Variants in NIT1 observed in about 807,000 individuals in gnomAD.
NIT1 encodes deaminated glutathione amidase.
A neutral mutation model predicts 36.8 loss-of-function variants in NIT1; 30 were observed. The observed-to-expected ratio is 0.82, with a 90% CI of 0.61 to 1.11. The LOEUF is 1.11. Ranked by LOEUF, NIT1 falls within the 50% of genes least tolerant of loss-of-function variation. The probability of loss-of-function intolerance (pLI) is 0.00; values close to 1 mark genes in which losing one functional copy is unlikely to be tolerated. For synonymous variants in NIT1, 151 were observed against 155.6 expected (o/e 0.97, Z 0.22); for missense variants, 438 against 410.6 (o/e 1.07, Z -0.58).
chr1:161,122,076 A>C (rs944124275), downstream of NIT1: 48 of 1,539,846 alleles, frequency 3.1e-5, no homozygotes, highest in Non-Finnish European at 4.1e-5. The surrounding 1 kb of genome is among the most constrained non-coding windows in gnomAD (Gnocchi z 4.2). Context: ...GGTAGAGAAC[A>C]AACCCCAGAA....
At position 161,120,154 on chromosome 1, in the gene NIT1, G is replaced by C; in HGVS notation, c.639G>C (p.Leu213=). 1 of 1,614,146 alleles carries C rather than the reference G, an allele frequency of 6.2e-7. No individual in the cohort carries two copies. Among genetic ancestry groups the C allele is most frequent in the South Asian group, 1.1e-5 (1 of 91,074 alleles). ...ACATGCGGTTCCCTGAACTCTCTCT[G>C]GCATTGGCTCAAGCTGGAGCAGAGA... ...CYDMRFPELS[L]ALAQAGAEIL... The change falls in exon 6 of 7, where the codon CTG becomes CTC. Residue 213 remains leucine (L), a synonymous_variant. Transcript: ENST00000368009.
chr1:161,120,402 A>G, intron 6 of NIT1, 97 bp from the exon 7 acceptor site: 1 of 1,469,610 alleles, frequency 6.8e-7, no homozygotes, highest in Non-Finnish European at 9.3e-7. Context: ...AATTACCAAA[A>G]TAGTCACAAT....
chr1:161,122,284 C>G, downstream of NIT1: 1 of 1,614,198 alleles, frequency 6.2e-7, no homozygotes, highest in Non-Finnish European at 8.5e-7. This position sits in a 1 kb window ranked among gnomAD's most constrained non-coding sequence, Gnocchi z 4.2. Flanking sequence ...ATGAAGACAC[C>G]TTTAAGTGCC....
downstream of NIT1, chr1:161,124,120 C>A: frequency 3.7e-6 from 6 of 1,602,430 alleles, no homozygotes; most frequent in Non-Finnish European, 5.1e-6. Flanking sequence ...CTGATTCCAG[C>A]CCCTAATACT....
chr1:161,124,921 C>A (rs1465524399), downstream of NIT1: 3 of 158,758 alleles, frequency 1.9e-5, no homozygotes, highest in East Asian at 1.9e-4. Flanking sequence ...CATAGCAAGA[C>A]CCCATCTCTA....
chr1:161,123,176 T>C, downstream of NIT1: 2 of 1,614,122 alleles, frequency 1.2e-6, no homozygotes, highest in Non-Finnish European at 1.7e-6. Flanking sequence ...GCTACACATC[T>C]GAGGACCCGA....
rs780007246 is a variant in NIT1 at position 161,118,147 on chromosome 1, G to T, written c.-30G>T. 1 of 1,613,996 alleles carries T rather than the reference G, an allele frequency of 6.2e-7. No individual in the cohort carries two copies. The highest frequency in any genetic ancestry group is 1.1e-5 in the South Asian group (1 of 91,086). On this transcript the variant is annotated 5_prime_UTR_variant, in exon 1 of 7. Transcript: ENST00000368009. ...TGGCTCCAGACCGCCCTCCGGATCG[G>T]ACCCTGCGAATGGTTTTGGCTATAT...
chr1:161,124,032 C>G, downstream of NIT1: 2 of 1,581,544 alleles, frequency 1.3e-6, no homozygotes, highest in Non-Finnish European at 1.7e-6. Flanking sequence ...ACAACTTACT[C>G]TAAGTACTCC....
Position 161,120,778 on chromosome 1 carries a change from G to A in NIT1, c.*13G>A. ...CCCACTGTCTTAAGACTTGACTTCT[G>A]TGAGTTTAGACCTGCCCCTCCCACC... On this transcript the variant is annotated 3_prime_UTR_variant, in exon 7 of 7. Coordinates refer to ENST00000368009, the MANE Select transcript of NIT1 (RefSeq NM_005600.3). 6.2e-7 allele frequency: 1 copy of A among 1,610,228 alleles called. No individual in the cohort carries two copies. Among genetic ancestry groups the A allele is most frequent in the Middle Eastern group, 1.7e-4 (1 of 5,990 alleles).
At chr1:161,121,824 G>T, downstream of NIT1, 1 of 237,506 alleles carries the variant, frequency 4.2e-6, no homozygotes, top group Non-Finnish European at 8.4e-6. Context: ...CCAAAAAAAA[G>T]TGTTCACATC....
downstream of NIT1, chr1:161,123,853 T>C (rs909080200): frequency 1.2e-6 from 2 of 1,613,802 alleles, no homozygotes; most frequent in Non-Finnish European, 1.7e-6. Flanking sequence ...TTTAGAGGGC[T>C]GGGGAGGCCT....
rs1344263829 is a variant in NIT1 at position 161,119,802 on chromosome 1, CTTCT to C, written c.458-11_458-8del. 66 of 1,585,896 alleles carry C rather than the reference CTTCT, an allele frequency of 4.2e-5. No homozygotes were observed. The highest frequency in any genetic ancestry group is 1.8e-4 in the Middle Eastern group (1 of 5,698). On this transcript the variant is annotated splice_polypyrimidine_tract_variant and intron_variant, in intron 4 of 6. Transcript: ENST00000368009. ...TTCTAGAACACCAGCACTGATATTC[CTTCT>C]TTCTTACTGTAGGGGCAGTAGTGGC...
chr1:161,123,344 GA>G, downstream of NIT1: 1 of 995,416 alleles, frequency 1.0e-6, no homozygotes, highest in Non-Finnish European at 1.5e-6. Flanking sequence ...AATGTGACTT[GA>G]AAAGACATGT....
Position 161,119,400 on chromosome 1 carries a change from A to G in NIT1, c.353+12A>G. The stretch of plus-strand genomic sequence containing the variant: ...ACCCAGCTTGCCAGGTATCAGGGAA[A>G]TAGCGAGGGAGAGGTAGAATCTTTG... On this transcript the variant is annotated intron_variant, in intron 3 of 6. Transcript: ENST00000368009. 5 of 1,613,412 alleles carry G rather than the reference A, an allele frequency of 3.1e-6. No homozygotes were observed. Among genetic ancestry groups the G allele is most frequent in the Non-Finnish European group, 4.2e-6 (5 of 1,179,326 alleles).
chr1:161,123,267 G>C (rs761469811), downstream of NIT1: 16 of 1,555,872 alleles, frequency 1.0e-5, no homozygotes, highest in Non-Finnish European at 1.4e-5. Context: ...GGTAAAGGCA[G>C]AAATTCAAAC....
At chr1:161,121,441 C>T (rs1446110177), downstream of NIT1, 1 of 154,148 alleles carries the variant, frequency 6.5e-6, no homozygotes, top group East Asian at 1.9e-4. Flanking sequence ...TCCATCCACC[C>T]TGTGTATGTG....
At chr1:161,122,376 G>C (rs757933885), downstream of NIT1, 1 of 1,614,058 alleles carries the variant, frequency 6.2e-7, no homozygotes, top group Non-Finnish European at 8.5e-7. The surrounding 1 kb of genome is among the most constrained non-coding windows in gnomAD (Gnocchi z 4.2). Flanking sequence ...ACAGATGATG[G>C]AGCCCAGGTC....
downstream of NIT1, chr1:161,122,001 C>T (rs1360348779): frequency 4.5e-6 from 5 of 1,115,204 alleles, no homozygotes; most frequent in Admixed American, 9.5e-5. The surrounding 1 kb of genome is among the most constrained non-coding windows in gnomAD (Gnocchi z 4.2). Flanking sequence ...AATACCACTT[C>T]CACTTTCTTT....
downstream of NIT1, chr1:161,124,621 G>A: frequency 7.2e-7 from 1 of 1,392,302 alleles, no homozygotes; most frequent in East Asian, 2.5e-5. Flanking sequence ...GCCTGGCACA[G>A]TATAGTGCTT....
Sources: allele counts gnomAD v4.1 joint callset, GRCh38; gene constraint gnomAD v4.1.1; non-coding constraint Gnocchi (gnomAD v3.1); transcripts MANE v1.5; gene names NCBI Gene and HGNC (gene_info 2026-07-23, HGNC 2026-07-21).